ZNF254: variants seen among roughly 807,000 people sequenced by gnomAD.
ZNF254 encodes the protein CTD-2017D11.1.
ZNF254 carries 10 observed loss-of-function variants against 12.4 expected under a neutral mutation model. The observed-to-expected ratio is 0.80, with a 90% CI of 0.50 to 1.36. ZNF254 has a LOEUF of 1.36. Ranked by LOEUF, ZNF254 falls within the 40% of genes most tolerant of loss-of-function variation. ZNF254 has a pLI of 0.00. For missense variants in ZNF254, 996 were observed against 763.9 expected, an observed-to-expected ratio of 1.30 and a Z score of -3.58; for synonymous variants, 305 against 253.4, an observed-to-expected ratio of 1.20 and a Z score of -1.93.
chr19:24,038,565 T>C (rs62113663), intron 1 of ZNF254, among the ~76,000 whole-genome samples: 24,171 of 152,238 alleles, frequency 0.16, 2,103 homozygotes, highest in Middle Eastern at 0.23. Flanking sequence ...TTTATAATTA[T>C]GTTTCTCTAA....
At chr19:24,118,332 G>A (rs1234910038) in intron 3 of ZNF254, among the ~76,000 whole-genome samples, 1 of 152,062 alleles carries the variant, frequency 6.6e-6, no homozygotes, top group Non-Finnish European at 1.5e-5. Flanking sequence ...GATTACAGGC[G>A]TGAGCCACCT....
At chr19:24,049,957 T>C (rs190557326) in intron 2 of ZNF254, among the ~76,000 whole-genome samples, 75 of 151,970 alleles carry the variant, frequency 4.9e-4, no homozygotes, top group African/African-American at 1.7e-3. Flanking sequence ...CCACAGGGGA[T>C]ATTGTGACAT....
chr19:24,116,327 G>C (rs992378303), intron 3 of ZNF254, among the ~76,000 whole-genome samples: 1 of 152,056 alleles, frequency 6.6e-6, no homozygotes, highest in Non-Finnish European at 1.5e-5. Flanking sequence ...TCACTTTCAG[G>C]TACACCAATC....
At chr19:24,077,868 T>C (rs1417322177) in intron 2 of ZNF254, among the ~76,000 whole-genome samples, 5 of 152,162 alleles carry the variant, frequency 3.3e-5, no homozygotes, top group Non-Finnish European at 7.4e-5. Context: ...TCTTGTGGAT[T>C]GCCAAGTTTC....
upstream of ZNF254, among the ~76,000 whole-genome samples, chr19:24,085,211 C>T (rs1042348519): frequency 5.3e-5 from 8 of 151,270 alleles, no homozygotes; most frequent in Non-Finnish European, 1.0e-4. Context: ...GGACTACAGG[C>T]GTGAGCCACT....
intron 2 of ZNF254, among the ~76,000 whole-genome samples, chr19:24,054,244 T>G (rs1357005185): frequency 6.6e-6 from 1 of 152,146 alleles, no homozygotes; most frequent in Admixed American, 6.5e-5. Context: ...CTCCTGCTTG[T>G]TTCCTTCCCT....
At chr19:24,094,347 A>T (rs1478366049) in intron 1 of ZNF254, among the ~76,000 whole-genome samples, 1 of 151,698 alleles carries the variant, frequency 6.6e-6, no homozygotes, top group African/African-American at 2.4e-5. Flanking sequence ...CGCAAACTCC[A>T]CCTCCCAGGT....
At chr19:24,089,651 G>A (rs1972248409) in intron 1 of ZNF254, among the ~76,000 whole-genome samples, 2 of 151,916 alleles carry the variant, frequency 1.3e-5, no homozygotes, top group Non-Finnish European at 2.9e-5. Context: ...TGAGTGTAGC[G>A]TCCCAAGTGC....
intron 3 of ZNF254, among the ~76,000 whole-genome samples, chr19:24,110,921 A>C (rs1973634275): frequency 6.6e-6 from 1 of 151,656 alleles, no homozygotes; most frequent in Non-Finnish European, 1.5e-5. Context: ...CTTAAGATGC[A>C]GGGTGAATCT....
chr19:24,123,595 C>T (rs1974631514), intron 3 of ZNF254, among the ~76,000 whole-genome samples: 1 of 151,968 alleles, frequency 6.6e-6, no homozygotes, highest in African/African-American at 2.4e-5. Context: ...GTGAGACACA[C>T]ACACACACAC....
At chr19:24,111,207 G>T (rs1448859603) in intron 3 of ZNF254, among the ~76,000 whole-genome samples, 1 of 148,690 alleles carries the variant, frequency 6.7e-6, no homozygotes, top group East Asian at 2.0e-4. Flanking sequence ...GCAGTGTTTG[G>T]TTTTTTGTTC....
At chr19:24,081,350 G>T (rs1971838301) in intron 2 of ZNF254, among the ~76,000 whole-genome samples, 1 of 152,106 alleles carries the variant, frequency 6.6e-6, no homozygotes, top group African/African-American at 2.4e-5. Context: ...ACATTCTGAG[G>T]TTTAAGCCCA....
intron 3 of ZNF254, among the ~76,000 whole-genome samples, chr19:24,110,888 T>C (rs892652455): frequency 1.3e-5 from 2 of 152,054 alleles, no homozygotes; most frequent in Non-Finnish European, 2.9e-5. Flanking sequence ...TCTTCTTTAT[T>C]TTCCATTTCA....
chr19:24,102,389 G>GTT (rs200269352), intron 1 of ZNF254, among the ~76,000 whole-genome samples: 1 of 141,410 alleles, frequency 7.1e-6, no homozygotes. Context: ...TGAGATTTAA[G>GTT]TTTTTTTTTT....
intron 1 of ZNF254, among the ~76,000 whole-genome samples, chr19:24,035,234 G>A (rs565109702): frequency 6.6e-6 from 1 of 152,198 alleles, no homozygotes; most frequent in South Asian, 2.1e-4. Context: ...CGTGATCTCC[G>A]CTCACTGCAG....
intron 1 of ZNF254, among the ~76,000 whole-genome samples, chr19:24,094,494 C>T (rs192273164): frequency 1.2e-4 from 19 of 152,202 alleles, no homozygotes; most frequent in Non-Finnish European, 1.3e-4. Context: ...CTTCTGATCT[C>T]GTGAGCCACC....
chr19:24,085,013 A>G (rs1356829107), upstream of ZNF254, among the ~76,000 whole-genome samples: 18 of 148,008 alleles, frequency 1.2e-4, no homozygotes, highest in Admixed American at 1.1e-3. Context: ...GCTCACTTCA[A>G]CCTCCTCCTG....
intron 1 of ZNF254, among the ~76,000 whole-genome samples, chr19:24,045,803 G>T (rs1970363664): frequency 6.6e-6 from 1 of 151,808 alleles, no homozygotes; most frequent in Admixed American, 6.6e-5. Flanking sequence ...TCTACAACTC[G>T]CTGGGTTGCA....
chr19:24,038,290 T>G (rs1970038510), intron 1 of ZNF254, among the ~76,000 whole-genome samples: 1 of 152,178 alleles, frequency 6.6e-6, no homozygotes, highest in Non-Finnish European at 1.5e-5. Flanking sequence ...AAGACATTAG[T>G]TTATTTTTCC....
Sources: gnomAD v4.1 joint callset for allele counts (sites outside exome capture counted in the v4.1 genomes callset) on GRCh38, gnomAD v4.1.1 for gene constraint, MANE v1.5 for transcripts, NCBI Gene and HGNC (gene_info 2026-07-23, HGNC 2026-07-21) for gene names.